Variants in HTD2 observed in about 807,000 individuals in gnomAD.
HTD2 encodes hydroxyacyl-thioester dehydratase type 2, mitochondrial.
HTD2 carries 1 observed loss-of-function variant against 3.1 expected under a neutral mutation model. The ratio of observed to expected loss-of-function variants is 0.32; its 90% confidence interval spans 0.11 to 1.52. HTD2 has a LOEUF of 1.52. Among genes scored for constraint, HTD2 ranks in the 40% most tolerant of loss-of-function variants. The probability of loss-of-function intolerance (pLI) is 0.39; values close to 1 mark genes in which losing one functional copy is unlikely to be tolerated. For synonymous variants in HTD2, 50 were observed against 28.9 expected, an observed-to-expected ratio of 1.73 and a Z score of -2.34; for missense variants, 150 against 79.6, an observed-to-expected ratio of 1.88 and a Z score of -3.36.
intron 2 of HTD2, among the ~76,000 whole-genome samples, chr3:58,312,472 GCAGAAGTAAACTTT>G (rs2097483397): frequency 6.6e-6 from 1 of 151,786 alleles, no homozygotes; most frequent in Non-Finnish European, 1.5e-5. Flanking sequence ...GTTTGAAATT[GCAGAAGTAAACTTT>G]CAGAAGTGAT....
intron 1 of HTD2, among the ~76,000 whole-genome samples, chr3:58,306,966 C>T (rs1414750354): frequency 3.9e-5 from 6 of 152,184 alleles, no homozygotes; most frequent in African/African-American, 1.4e-4. Flanking sequence ...GCGGTGTTAG[C>T]CGAGAAGGGC....
intron 2 of HTD2, among the ~76,000 whole-genome samples, chr3:58,311,136 TTTGTTGTTGTTGTTG>T (rs144147590): frequency 4.0e-5 from 6 of 150,108 alleles, no homozygotes; most frequent in Non-Finnish European, 8.9e-5. Flanking sequence ...AAATCTACTT[TTTGTTGTTGTTGTTG>T]TTGTTGTTGT....
intron 2 of HTD2, among the ~76,000 whole-genome samples, chr3:58,312,374 C>T (rs1324252042): frequency 7.1e-6 from 1 of 141,378 alleles, no homozygotes; most frequent in Non-Finnish European, 1.5e-5. Context: ...ATTCTCCTGC[C>T]TCAGCCTCCC....
Position 58,318,338 on chromosome 3 carries a change from GT to G in HTD2, c.*224del. On this transcript the variant is annotated 3_prime_UTR_variant, in exon 5 of 5. Transcript: ENST00000461393. The stretch of plus-strand genomic sequence containing the variant: ...ATGCAGGATTTCATTATCTGCCTGG[GT>G]TTTTTGTTTGTTTTTTGTTTTTTAA... 1 of 424,714 alleles carries G rather than the reference GT, an allele frequency of 2.4e-6. No homozygotes were observed. The highest frequency in any genetic ancestry group is 4.1e-6 in the Non-Finnish European group (1 of 241,360). 26.3% of individuals were successfully genotyped at this position (424,714 alleles called of 1,614,324 possible).
At chr3:58,317,023 C>G (rs756920975) in intron 4 of HTD2, 30 bp downstream of exon 4, 2 of 1,510,850 alleles carry the variant, frequency 1.3e-6, no homozygotes, top group Non-Finnish European at 1.8e-6. Flanking sequence ...ATATTCCAAA[C>G]AAGACTGAGT....
At position 58,317,558 on chromosome 3, in the gene HTD2, A is replaced by G. The variant is rs1465371571; in HGVS notation, c.-56A>G. ...CTCATATTTATTTTTTGGTGCCTGCATGTTTGAAGACTGAAGCAGGCTAAA... is the reference window on the plus strand; with the variant it reads ...CTCATATTTATTTTTTGGTGCCTGCGTGTTTGAAGACTGAAGCAGGCTAAA... On this transcript the variant is annotated 5_prime_UTR_variant, in exon 5 of 5. The change abolishes an upstream ATG in the 5' untranslated region. Coordinates refer to ENST00000461393, the MANE Select transcript of HTD2 (RefSeq NM_001348712.2). 9.0e-7 allele frequency: 1 copy of G among 1,109,418 alleles called. No individual in the cohort carries two copies. The highest frequency in any genetic ancestry group is 1.4e-6 in the Non-Finnish European group (1 of 733,730). 68.7% of individuals were successfully genotyped at this position (1,109,418 alleles called of 1,614,324 possible). A position where few individuals can be genotyped will look rare whatever the true frequency, so the allele number is the denominator to read the frequency against.
intron 1 of HTD2, chr3:58,310,053 T>G: frequency 2.5e-6 from 1 of 395,506 alleles, no homozygotes; most frequent in Non-Finnish European, 4.6e-6. Flanking sequence ...TACAAAAATC[T>G]GCTGGATGTG....
intron 1 of HTD2, chr3:58,310,000 A>G (rs193088917): frequency 4.1e-5 from 10 of 244,142 alleles, no homozygotes; most frequent in African/African-American, 2.3e-4. Flanking sequence ...AGGAGTTTGA[A>G]ACCAGCCTGG....
At chr3:58,315,915 A>G (rs2097487795) in intron 2 of HTD2, 1 of 152,304 alleles carries the variant, frequency 6.6e-6, no homozygotes, top group Non-Finnish European at 1.5e-5. Context: ...ACCTCAGGTG[A>G]TCCGCCCTCC....
At chr3:58,311,767 C>T in intron 2 of HTD2, among the ~76,000 whole-genome samples, 1 of 151,922 alleles carries the variant, frequency 6.6e-6, no homozygotes, top group East Asian at 1.9e-4. Context: ...GCATGAGCCA[C>T]TATGCCCAGC....
Position 58,318,160 on chromosome 3 carries a change from G to A in HTD2, c.*40G>A. On this transcript the variant is annotated 3_prime_UTR_variant, in exon 5 of 5. Coordinates refer to ENST00000461393, the MANE Select transcript of HTD2 (RefSeq NM_001348712.2). ...AGATGCAACCTCAAACACCAATGCTGTTGTTAAAGAGCCTATGGGGAATTG... is the reference window on the plus strand; with the variant it reads ...AGATGCAACCTCAAACACCAATGCTATTGTTAAAGAGCCTATGGGGAATTG... The A allele has an allele frequency of 4.9e-6, 3 of 613,814 alleles. No individual in the cohort carries two copies. In the East Asian group the frequency reaches 8.2e-5, roughly 17 times the overall value. The allele number at this position is 613,814 out of a possible 1,614,324, so 38.0% of individuals were successfully genotyped here.
upstream of HTD2, chr3:58,306,429 C>T (rs2097474583): frequency 6.6e-6 from 1 of 152,314 alleles, no homozygotes; most frequent in Admixed American, 6.5e-5. Flanking sequence ...TAGGTGGAAG[C>T]CTTCCAAAGA....
At chr3:58,313,369 T>G (rs1033921018) in intron 2 of HTD2, among the ~76,000 whole-genome samples, 3 of 152,218 alleles carry the variant, frequency 2.0e-5, no homozygotes, top group Admixed American at 2.0e-4. Context: ...GACCAGCATT[T>G]TAAGCAACTT....
chr3:58,314,728 G>A (rs958674299), intron 2 of HTD2, among the ~76,000 whole-genome samples: 2 of 127,406 alleles, frequency 1.6e-5, no homozygotes, highest in Non-Finnish European at 3.1e-5. Flanking sequence ...TTCTGTCACC[G>A]GGCTGGAGTG....
chr3:58,310,211 CA>C, intron 1 of HTD2: 1 of 795,178 alleles, frequency 1.3e-6, no homozygotes, highest in Non-Finnish European at 2.1e-6. Context: ...TGCCTTAAAA[CA>C]AACAAACAAA....
intron 1 of HTD2, among the ~76,000 whole-genome samples, chr3:58,307,358 C>CG (rs1470420934): frequency 6.6e-6 from 1 of 152,148 alleles, no homozygotes; most frequent in Non-Finnish European, 1.5e-5. Flanking sequence ...GATGGAGAAG[C>CG]GGGGGAGTAG....
chr3:58,317,714 T>C lies in HTD2; in HGVS notation c.101T>C (p.Met34Thr). The change falls in exon 5 of 5, where the codon ATG (methionine) becomes ACG (threonine). Residue 34 changes from methionine to threonine, a missense_variant. Coordinates refer to ENST00000461393, the MANE Select transcript of HTD2 (RefSeq NM_001348712.2). The part of the protein sequence containing the change: ...PVLTLQHFQH[M>T]HIKVGDRAEL... ...CTGACCCTGCAGCACTTTCAGCATA[T>C]GCACATCAAAGTTGGAGACCGCGCT... 1 of 704,044 alleles carries C rather than the reference T, an allele frequency of 1.4e-6. No homozygotes were observed. The allele number at this position is 704,044 out of a possible 1,614,324, so 43.6% of individuals were successfully genotyped here. A position where few individuals can be genotyped will look rare whatever the true frequency, so the allele number is the denominator to read the frequency against.
intron 2 of HTD2, among the ~76,000 whole-genome samples, chr3:58,311,519 T>C (rs1467823860): frequency 1.3e-5 from 2 of 152,240 alleles, no homozygotes; most frequent in Non-Finnish European, 2.9e-5. Flanking sequence ...TGTGCCTGGC[T>C]GGCTTCACTT....
At chr3:58,311,279 CT>C (rs1451909400) in intron 2 of HTD2, among the ~76,000 whole-genome samples, 2 of 152,136 alleles carry the variant, frequency 1.3e-5, no homozygotes, top group African/African-American at 2.4e-5. Flanking sequence ...CTTAGCCCCC[CT>C]GGTAGCTGAG....
Sources: gnomAD v4.1 joint callset for allele counts (sites outside exome capture counted in the v4.1 genomes callset) on GRCh38, gnomAD v4.1.1 for gene constraint, MANE v1.5 for transcripts, NCBI Gene and HGNC (gene_info 2026-07-23, HGNC 2026-07-21) for gene names.